NINL: variants seen among roughly 807,000 people sequenced by gnomAD.
NINL encodes the protein ninein like.
NINL carries 153 observed loss-of-function variants against 160.3 expected under a neutral mutation model. The observed-to-expected ratio is 0.95, with a 90% CI of 0.84 to 1.09. The LOEUF is 1.09. NINL is among the 50% of genes least tolerant of loss of function. The pLI is 0.00. For missense variants in NINL, 1,829 were observed against 1,764.0 expected (o/e 1.04, Z -0.66); for synonymous variants, 800 against 734.8 (o/e 1.09, Z -1.43).
intron 13 of NINL, among the ~76,000 whole-genome samples, chr20:25,482,340 T>G (rs556771768): frequency 2.0e-5 from 3 of 152,288 alleles, no homozygotes; most frequent in Admixed American, 6.5e-5. Flanking sequence ...TTATTTTTAC[T>G]GTATTTTATT....
intron 2 of NINL, among the ~76,000 whole-genome samples, chr20:25,520,927 T>A (rs2064252232): frequency 6.6e-6 from 1 of 152,262 alleles, no homozygotes; most frequent in African/African-American, 2.4e-5. Flanking sequence ...TCTCTCTGGC[T>A]TTGTTTTCCT....
intron 1 of NINL, among the ~76,000 whole-genome samples, chr20:25,576,732 G>A (rs930932871): frequency 5.9e-5 from 9 of 152,152 alleles, no homozygotes; most frequent in African/African-American, 2.2e-4. Context: ...AAAGTTCTGG[G>A]ATTACATGCA....
At chr20:25,531,215 C>A (rs1022442477) in intron 1 of NINL, among the ~76,000 whole-genome samples, 3 of 152,336 alleles carry the variant, frequency 2.0e-5, no homozygotes, top group African/African-American at 7.2e-5. Flanking sequence ...TTAAGGTTAT[C>A]TCTCTTGTTC....
chr20:25,540,113 A>C, intron 1 of NINL: 2 of 1,162,852 alleles, frequency 1.7e-6, no homozygotes, highest in Non-Finnish European at 2.3e-6. Flanking sequence ...AAATGTTTGC[A>C]TGTCAAAATC....
intron 1 of NINL, among the ~76,000 whole-genome samples, chr20:25,555,918 G>A (rs1047620476): frequency 4.6e-5 from 7 of 151,734 alleles, no homozygotes; most frequent in Admixed American, 1.3e-4. Context: ...CAGGTGATAC[G>A]CCCGCCTCGG....
Position 25,489,976 on chromosome 20 carries a change from G to A in NINL, c.1495C>T (p.Arg499Cys), listed in dbSNP as rs777357154. 10 of 1,613,886 alleles carry A rather than the reference G, an allele frequency of 6.2e-6. No homozygotes were observed. The highest frequency in any genetic ancestry group is 2.7e-5 in the African/African-American group (2 of 74,910). The change falls in exon 12 of 24, where the codon CGC becomes TGC. Residue 499 changes from arginine (R) to cysteine (C), a missense_variant. Coordinates refer to ENST00000278886, the MANE Select transcript of NINL (RefSeq NM_025176.6). ...ACTTCCACAATCTCCTTCTGTAGGC[G>A]ACTGTTTTCCTAGGAGACACAGGCC... ...KLTLALKENS[R>C]LQKEIVEVVE...
rs1473941744 is a variant in NINL, at chr20:25,488,892, G to C, written c.1677+352C>G. The C allele has an allele frequency of 1.2e-5, 3 of 247,744 alleles. No homozygotes were observed. In the South Asian group the frequency reaches 2.8e-4, roughly 23 times the overall value. The allele number at this position is 247,744 out of a possible 1,614,324, so 15.3% of individuals were successfully genotyped here. A position where few individuals can be genotyped will look rare whatever the true frequency, so the allele number is the denominator to read the frequency against. The stretch of plus-strand genomic sequence containing the variant: ...CCTTGAGAACATTAAGCGTGTACGG[G>C]GGTCCTCCTGGGTTTAAGTTTCATT... On this transcript the variant is annotated intron_variant, in intron 13 of 23. Coordinates refer to ENST00000278886, the MANE Select transcript of NINL (RefSeq NM_025176.6).
chr20:25,563,440 T>C (rs1298959545), intron 1 of NINL, among the ~76,000 whole-genome samples: 2 of 152,072 alleles, frequency 1.3e-5, no homozygotes, highest in Admixed American at 1.3e-4. Context: ...CCTCAATAAA[T>C]TGATTAAATG....
chr20:25,476,450 C>T lies in NINL; in HGVS notation c.2841G>A (p.Glu947=), dbSNP rs772516947. 9.3e-6 allele frequency: 15 copies of T among 1,608,326 alleles called. No homozygotes were observed. The highest frequency in any genetic ancestry group is 4.0e-5 in the African/African-American group (3 of 74,926). The change falls in exon 17 of 24, where the codon GAG becomes GAA. Residue 947 remains glutamate, a synonymous_variant. Transcript: ENST00000278886. ...GARELPLLGT[E]RDASQTQPRM... The stretch of plus-strand genomic sequence containing the variant: ...GTGGCTGGGTTTGCGAGGCGTCTCT[C>T]TCTGTTCCCAGCAGAGGCAGCTCCC...
chr20:25,563,818 CAAG>C (rs2064971040), intron 1 of NINL, among the ~76,000 whole-genome samples: 3 of 152,182 alleles, frequency 2.0e-5, no homozygotes, highest in African/African-American at 7.2e-5. Flanking sequence ...GTCCATTTGC[CAAG>C]AAGACACAGA....
intron 1 of NINL, among the ~76,000 whole-genome samples, chr20:25,567,968 T>C (rs113312489): frequency 1.3e-5 from 2 of 151,984 alleles, no homozygotes; most frequent in Non-Finnish European, 2.9e-5. Flanking sequence ...TAAATGCTTA[T>C]AATAGAAAAG....
chr20:25,510,969 G>T (rs1167117935), intron 4 of NINL, among the ~76,000 whole-genome samples: 1 of 152,160 alleles, frequency 6.6e-6, no homozygotes, highest in Non-Finnish European at 1.5e-5. Flanking sequence ...GGGAGACAGG[G>T]GACATGCCTT....
intron 6 of NINL, 123 bp downstream of exon 6, chr20:25,504,765 A>C (rs1262290677): frequency 2.8e-5 from 29 of 1,027,616 alleles, no homozygotes; most frequent in Non-Finnish European, 3.1e-5. Context: ...CCACCAAAGG[A>C]TTTTAGATTA....
rs139681291 is a variant in NINL, at chr20:25,467,389, C to A, written c.3423G>T (p.Gln1141His). Residue 1141 changes from glutamine to histidine, a missense_variant and splice_region_variant, in exon 19 of 24, where the codon CAG becomes CAT. By Grantham distance (24) the Gln-to-His change is conservative. Coordinates refer to ENST00000278886, the MANE Select transcript of NINL (RefSeq NM_025176.6). ...ACSEMEVLNR[Q>H]NQNYKDQLSQ... is the part of the protein sequence containing the mutation. ...TCCATGCCAGGCGTCGATACGTCAC[C>A]TGTCTGTTGAGCACCTCCATCTCAG... The A allele has an allele frequency of 9.3e-6, 15 of 1,612,084 alleles. No homozygotes were observed. The highest frequency in any genetic ancestry group is 1.2e-5 in the Non-Finnish European group (14 of 1,178,220).
In NINL at chr20:25,517,601, C is replaced by T. The variant is rs545643124; in HGVS notation, c.277+152G>A. On this transcript the variant is annotated intron_variant, in intron 3 of 23. Transcript: ENST00000278886. ...AAATAAACCAAGGAAGAGAAAACAT[C>T]AAGTGTTTTTTCCAAGTCCATATAC... 1.5e-4 allele frequency: 92 copies of T among 612,326 alleles called. No individual in the cohort carries two copies. In the South Asian group the frequency reaches 2.0e-3, roughly 14 times the overall value. 37.9% of individuals were successfully genotyped at this position (612,326 alleles called of 1,614,324 possible).
rs546130412 is a variant in NINL at position 25,536,298 on chromosome 20, G to A, written c.-11-9700C>T. Among the ~76,000 whole-genome samples, 6 of 152,352 alleles carry A rather than the reference G, an allele frequency of 3.9e-5. No individual in the cohort carries two copies. In the South Asian group the frequency reaches 1.2e-3, roughly 32 times the overall value. ...TAGGAGCTCAGCCAGGCCAGGGATG[G>A]GAGGTGACCAACCCCAACAGACTGC... On this transcript the variant is annotated intron_variant, in intron 1 of 23. Transcript: ENST00000278886.
chr20:25,561,920 G>A (rs1463540263), intron 1 of NINL, among the ~76,000 whole-genome samples: 3 of 147,130 alleles, frequency 2.0e-5, no homozygotes, highest in African/African-American at 5.0e-5. Context: ...GCCCCCGCCA[G>A]GCCAGCCGCC....
chr20:25,502,842 C>G (rs1464781659), intron 7 of NINL, among the ~76,000 whole-genome samples: 1 of 152,196 alleles, frequency 6.6e-6, no homozygotes, highest in African/African-American at 2.4e-5. Context: ...CAGAAGCAGC[C>G]GAGCAGACAC....
rs141181350 is a variant in NINL, at chr20:25,453,468, C to G, written c.4132G>C (p.Ala1378Pro). 1 of 1,609,762 alleles carries G rather than the reference C, an allele frequency of 6.2e-7. No individual in the cohort carries two copies. The highest frequency in any genetic ancestry group is 8.5e-7 in the Non-Finnish European group (1 of 1,178,012). The change falls in exon 24 of 24, where the codon GCA becomes CCA. Residue 1378 changes from alanine (A) to proline (P), a missense_variant. Transcript: ENST00000278886. ...LNKLVSRIAPAALSV is the reference protein window; with the variant it reads ...LNKLVSRIAPPALSV Reference sequence around the variant, plus strand: ...ATCTGTCTTTACACAGAGAGGGCTGCGGGGGCAATCCTACTGACGAGTTTG... The same window carrying G: ...ATCTGTCTTTACACAGAGAGGGCTGGGGGGGCAATCCTACTGACGAGTTTG...
Sources: gnomAD v4.1 joint callset for allele counts (sites outside exome capture counted in the v4.1 genomes callset) on GRCh38, gnomAD v4.1.1 for gene constraint, MANE v1.5 for transcripts, NCBI Gene and HGNC (gene_info 2026-07-23, HGNC 2026-07-21) for gene names.